Variants in TIAM1 observed in about 807,000 individuals in gnomAD.
TIAM1 encodes TIAM Rac1 associated GEF 1.
Under a neutral mutation model 163.5 loss-of-function variants are expected in TIAM1, and 65 were observed. The ratio of observed to expected loss-of-function variants is 0.40; its 90% CI spans 0.33 to 0.49. TIAM1 has a LOEUF of 0.49. TIAM1 is among the 20% of genes least tolerant of loss of function. The pLI, the probability that TIAM1 is intolerant of heterozygous loss-of-function variation, is 0.77. For synonymous variants in TIAM1, 833 were observed against 810.1 expected, an observed-to-expected ratio of 1.03 and a Z score of -0.48; for missense variants, 1,789 against 2,044.7, an observed-to-expected ratio of 0.87 and a Z score of 2.41.
chr21:31,231,748 G>T (rs2088447328), intron 6 of TIAM1, among the ~76,000 whole-genome samples: 1 of 152,110 alleles, frequency 6.6e-6, no homozygotes, highest in Admixed American at 6.5e-5. Flanking sequence ...AGGCGGAATG[G>T]TTCATGCCTG....
chr21:31,488,269 G>A (rs572867135), intron 1 of TIAM1, among the ~76,000 whole-genome samples: 8 of 152,254 alleles, frequency 5.3e-5, no homozygotes, highest in South Asian at 2.1e-4. Flanking sequence ...CCTTATTCTC[G>A]TTTCACAGAC....
chr21:31,361,617 C>G (rs1466625172), intron 2 of TIAM1, among the ~76,000 whole-genome samples: 1 of 152,110 alleles, frequency 6.6e-6, no homozygotes, highest in Non-Finnish European at 1.5e-5. Context: ...GAATAGTAAC[C>G]CCTTCCCAAA....
In TIAM1 at chr21:31,266,672, C is replaced by T. The variant is rs1409221327; in HGVS notation, c.301G>A (p.Val101Met). 1.2e-6 allele frequency: 2 copies of T among 1,614,216 alleles called. No homozygotes were observed. Among genetic ancestry groups the T allele is most frequent in the Admixed American group, 3.3e-5 (2 of 60,030 alleles). ...VDRVDMGLRP[V>M]SYTDSSVTPS... ...GTGACAGAAGAGTCAGTGTAAGACA[C>T]AGGTCTCAAGCCCATGTCCACTCGG... Residue 101 changes from valine (V) to methionine (M), a missense_variant, in exon 4 of 28, where the codon GTG becomes ATG. Val to Met is a conservative substitution (Grantham distance 21, BLOSUM62 1). This residue lies in a region of TIAM1 where 555 missense variants were observed against 564.9 expected (regional missense o/e 0.98). Transcript: ENST00000541036.
At chr21:31,503,239 A>T (rs1034407939) in intron 1 of TIAM1, among the ~76,000 whole-genome samples, 1 of 151,234 alleles carries the variant, frequency 6.6e-6, no homozygotes, top group Non-Finnish European at 1.5e-5. Context: ...TACTAAAAAT[A>T]AAAAAAATAG....
intron 2 of TIAM1, among the ~76,000 whole-genome samples, chr21:31,361,836 A>G (rs2076410475): frequency 1.9e-5 from 2 of 103,232 alleles, no homozygotes; most frequent in Non-Finnish European, 4.0e-5. Flanking sequence ...AGGAAGAAAG[A>G]TTAGATAGAT....
At chr21:31,401,986 G>A (rs142177060) in intron 2 of TIAM1, among the ~76,000 whole-genome samples, 2,479 of 151,968 alleles carry the variant, frequency 0.016, 42 homozygotes, top group African/African-American at 0.044. Context: ...AGGCCGATGC[G>A]GGTGGATCAG....
intron 13 of TIAM1, among the ~76,000 whole-genome samples, chr21:31,190,756 GGAGA>G (rs913251798): frequency 1.3e-5 from 2 of 152,156 alleles, no homozygotes; most frequent in Non-Finnish European, 2.9e-5. Context: ...GGGCTGAGAT[GGAGA>G]GAGAGGCAAG....
chr21:31,501,978 C>T (rs551880125), intron 1 of TIAM1, among the ~76,000 whole-genome samples: 2 of 152,160 alleles, frequency 1.3e-5, no homozygotes, highest in South Asian at 2.1e-4. Context: ...ATGCCCCATC[C>T]GCAGCCACCT....
intron 1 of TIAM1, among the ~76,000 whole-genome samples, chr21:31,486,221 C>T (rs1569374172): frequency 6.6e-6 from 1 of 152,228 alleles, no homozygotes; most frequent in Non-Finnish European, 1.5e-5. Context: ...CCATCCAGCA[C>T]TGGAACGCAG....
chr21:31,482,960 C>T (rs1043734437), intron 1 of TIAM1, among the ~76,000 whole-genome samples: 8 of 152,166 alleles, frequency 5.3e-5, no homozygotes, highest in Middle Eastern at 3.4e-3. Context: ...GAAAGTGTTG[C>T]GCCCATTTTA....
At chr21:31,135,722 C>T (rs2082594264) in intron 23 of TIAM1, among the ~76,000 whole-genome samples, 1 of 152,188 alleles carries the variant, frequency 6.6e-6, no homozygotes, top group Non-Finnish European at 1.5e-5. Flanking sequence ...CATTTCCGCC[C>T]ACCCATGTGG....
intron 2 of TIAM1, among the ~76,000 whole-genome samples, chr21:31,323,229 A>G (rs1257062974): frequency 6.6e-6 from 1 of 151,672 alleles, no homozygotes; most frequent in Non-Finnish European, 1.5e-5. Flanking sequence ...CGGAGCTTGC[A>G]GTGAGCCAAG....
At chr21:31,371,151 T>C (rs1205462920) in intron 2 of TIAM1, among the ~76,000 whole-genome samples, 1 of 152,244 alleles carries the variant, frequency 6.6e-6, no homozygotes, top group Admixed American at 6.5e-5. Context: ...TTAGTTTATA[T>C]TACACAAAGC....
At position 31,124,682 on chromosome 21, in the gene TIAM1, G is replaced by A; in HGVS notation, c.4146C>T (p.Ser1382=). The A allele has an allele frequency of 1.3e-6, 2 of 1,580,074 alleles. No homozygotes were observed. The highest frequency in any genetic ancestry group is 1.7e-6 in the Non-Finnish European group (2 of 1,162,370). The change falls in exon 27 of 28, where the codon AGC becomes AGT. Residue 1382 remains serine, a synonymous_variant. Transcript: ENST00000541036. ...GCACAGCCTTTAGGAAATCCTTTCG[G>A]CTCTCTGGGGAGCTAGGAAAAGAAG... is the stretch of plus-strand genomic sequence containing the variant. The part of the protein sequence containing the change: ...VFHLCCSSPE[S]RKDFLKAVHS...
intron 2 of TIAM1, among the ~76,000 whole-genome samples, chr21:31,384,699 A>G (rs141473697): frequency 2.3e-3 from 350 of 152,320 alleles, no homozygotes; most frequent in African/African-American, 8.0e-3. Context: ...AAAATATCTT[A>G]CCTTAAGTCC....
intron 1 of TIAM1, among the ~76,000 whole-genome samples, chr21:31,510,670 C>T (rs977982429): frequency 6.6e-6 from 1 of 151,994 alleles, no homozygotes; most frequent in Non-Finnish European, 1.5e-5. Flanking sequence ...AAAAATTAGC[C>T]GGGCGTGGTG....
chr21:31,135,965 T>C lies in TIAM1; in HGVS notation c.3851A>G (p.Lys1284Arg), dbSNP rs1289608840. The C allele has an allele frequency of 4.3e-6, 7 of 1,614,088 alleles. No individual in the cohort carries two copies. The African/African-American group carries it at 9.3e-5, about 22-fold the overall frequency. The part of the protein sequence containing the change: ...IWLNPPASLG[K>R]WKKEPELAAF... ...TGCCAACTCTGGTTCCTTTTTCCACTTGCCCAGCGAGGCCGGCGGGTTCAG... is the reference window on the plus strand; with the variant it reads ...TGCCAACTCTGGTTCCTTTTTCCACCTGCCCAGCGAGGCCGGCGGGTTCAG... Residue 1284 changes from lysine to arginine, a missense_variant, in exon 23 of 28, where the codon AAG (lysine) becomes AGG (arginine). Physicochemically the swap from Lys to Arg is conservative, Grantham distance 26 (BLOSUM62 2). Transcript: ENST00000541036.
intron 12 of TIAM1, among the ~76,000 whole-genome samples, chr21:31,200,858 G>C (rs2086161194): frequency 6.6e-6 from 1 of 152,104 alleles, no homozygotes; most frequent in South Asian, 2.1e-4. Context: ...CAAGACTGTG[G>C]CATTTGCATC....
At chr21:31,414,950 T>G (rs1248719142) in intron 2 of TIAM1, among the ~76,000 whole-genome samples, 1 of 152,184 alleles carries the variant, frequency 6.6e-6, no homozygotes, top group African/African-American at 2.4e-5. Context: ...AAATGGCCCC[T>G]GGGAAAGTTT....
Sources: gnomAD v4.1 joint callset for allele counts (sites outside exome capture counted in the v4.1 genomes callset) on GRCh38, gnomAD v4.1.1 for gene constraint, gnomAD v4.1.1 regional missense constraint, MANE v1.5 for transcripts, NCBI Gene and HGNC (gene_info 2026-07-23, HGNC 2026-07-21) for gene names.